The following PLEKHF1 variants were observed in gnomAD, a reference collection of about 807,000 sequenced individuals.
The protein encoded by PLEKHF1 is pleckstrin homology and FYVE domain containing 1, also known as pleckstrin homology domain-containing family F member 1.
Under a neutral mutation model 4.1 loss-of-function variants are expected in PLEKHF1, and 1 was observed. The observed-to-expected ratio is 0.24, with a 90% CI of 0.09 to 1.15. PLEKHF1 has a LOEUF of 1.15. Among genes scored for constraint, PLEKHF1 ranks in the 50% most tolerant of loss-of-function variants. The pLI, the probability that PLEKHF1 is intolerant of heterozygous loss-of-function variation, is 0.52. For missense variants in PLEKHF1, 429 were observed against 400.6 expected (o/e 1.07, Z -0.60); for synonymous variants, 182 against 178.5 (o/e 1.02, Z -0.16).
Position 29,674,999 on chromosome 19 carries a change from T to A in PLEKHF1, c.*320T>A, listed in dbSNP as rs546149250. On this transcript the variant is annotated 3_prime_UTR_variant, in exon 2 of 2. Coordinates refer to ENST00000436066, the MANE Select transcript of PLEKHF1 (RefSeq NM_024310.5). ...CTGGACGACCCCAGGTCTCCAGACA[T>A]CTAGGGACCAGAGCAGGTTTGGGAA... The A allele has an allele frequency of 4.5e-5, 15 of 335,014 alleles. No homozygotes were observed. The East Asian group carries it at 7.9e-4, about 18-fold the overall frequency. The allele number at this position is 335,014 out of a possible 1,614,324, so 20.8% of individuals were successfully genotyped here.
In PLEKHF1 at chr19:29,674,818, A is replaced by C. The variant is rs893469058; in HGVS notation, c.*139A>C. ...AGCGGTGGGGAGTGGCTCTTTCTGG[A>C]CTCCCAGTGCCTTTTTGCTGGACAC... On this transcript the variant is annotated 3_prime_UTR_variant, in exon 2 of 2. Coordinates refer to ENST00000436066, the MANE Select transcript of PLEKHF1 (RefSeq NM_024310.5). 74 of 1,284,950 alleles carry C rather than the reference A, an allele frequency of 5.8e-5. No individual in the cohort carries two copies. The highest frequency in any genetic ancestry group is 6.9e-5 in the Non-Finnish European group (66 of 954,202). 79.6% of individuals were successfully genotyped at this position (1,284,950 alleles called of 1,614,324 possible).
At chr19:29,667,598 C>A (rs891198) in intron 1 of PLEKHF1, among the ~76,000 whole-genome samples, 1 of 151,716 alleles carries the variant, frequency 6.6e-6, no homozygotes, top group Non-Finnish European at 1.5e-5. Flanking sequence ...GGTTCTCCAC[C>A]TGTAACCCGA....
In PLEKHF1 at chr19:29,671,218, G is replaced by A. The variant is rs757327415; in HGVS notation, c.-16-2606G>A. On this transcript the variant is annotated intron_variant, in intron 1 of 1. Coordinates refer to ENST00000436066, the MANE Select transcript of PLEKHF1 (RefSeq NM_024310.5). The surrounding 1 kb of genome is among the most constrained non-coding windows in gnomAD (Gnocchi z 4.0). ...GGGTTCAAGCGATTCTCCTGCCTCC[G>A]CCTCCCGAGTAGCTGGAATTACAGG... Among the ~76,000 whole-genome samples, 31 of 151,416 alleles carry A rather than the reference G, an allele frequency of 2.0e-4. No individual in the cohort carries two copies. Among genetic ancestry groups the A allele is most frequent in the Non-Finnish European group, 3.2e-4 (22 of 67,960 alleles).
rs990610245 is a variant in PLEKHF1, at chr19:29,674,264, G to T, written c.425G>T (p.Ser142Ile). 1.2e-6 allele frequency: 2 copies of T among 1,604,262 alleles called. No homozygotes were observed. The highest frequency in any genetic ancestry group is 1.7e-6 in the Non-Finnish European group (2 of 1,178,438). The change falls in exon 2 of 2, where the codon AGC (serine) becomes ATC (isoleucine). Residue 142 changes from serine (S) to isoleucine (I), a missense_variant. By Grantham distance (142) the Ser-to-Ile change is moderately radical. Coordinates refer to ENST00000436066, the MANE Select transcript of PLEKHF1 (RefSeq NM_024310.5). ...CTGAGGGCCACGGGCCGCCCGCCCA[G>T]CACGGAGCACGCGGCACCCTGGATC... ...RQLRATGRPP[S>I]TEHAAPWIPD... is the part of the protein sequence containing the mutation.
At chr19:29,668,276 C>T (rs1971591988) in intron 1 of PLEKHF1, among the ~76,000 whole-genome samples, 1 of 152,230 alleles carries the variant, frequency 6.6e-6, no homozygotes, top group East Asian at 1.9e-4. Flanking sequence ...AATACAGGCA[C>T]TCAGGGCCCA....
chr19:29,670,441 T>C (rs1017643272), intron 1 of PLEKHF1, among the ~76,000 whole-genome samples: 1 of 152,246 alleles, frequency 6.6e-6, no homozygotes, highest in Non-Finnish European at 1.5e-5. Context: ...ATTCGTGTTG[T>C]AGTGTGCGTC....
In PLEKHF1 at chr19:29,674,765, C is replaced by T. The variant is rs1476451234; in HGVS notation, c.*86C>T. On this transcript the variant is annotated 3_prime_UTR_variant, in exon 2 of 2. Coordinates refer to ENST00000436066, the MANE Select transcript of PLEKHF1 (RefSeq NM_024310.5). ...CAGCTCCAGAAGCTGCCCAGGGCTC[C>T]GGGACCCCATCCCATGGTGGCAGGT... 26 of 1,478,098 alleles carry T rather than the reference C, an allele frequency of 1.8e-5. No homozygotes were observed. In the East Asian group the frequency reaches 1.9e-4, roughly 11 times the overall value. The allele number at this position is 1,478,098 out of a possible 1,614,324, so 91.6% of individuals were successfully genotyped here.
At chr19:29,670,103 T>C (rs1971613794) in intron 1 of PLEKHF1, among the ~76,000 whole-genome samples, 1 of 152,190 alleles carries the variant, frequency 6.6e-6, no homozygotes, top group Admixed American at 6.5e-5. Context: ...GGCTAATTTT[T>C]GTATTTTTAG....
rs1442624171 is a variant in PLEKHF1 at position 29,671,609 on chromosome 19, A to G, written c.-16-2215A>G. ...TCAGTTCTGTCACTGGTAATCCCCTAGGTTTGCAGTATACAGCCAAGATCA... is the reference window on the plus strand; with the variant it reads ...TCAGTTCTGTCACTGGTAATCCCCTGGGTTTGCAGTATACAGCCAAGATCA... On this transcript the variant is annotated intron_variant, in intron 1 of 1. Transcript: ENST00000436066. The surrounding 1 kb of genome is among the most constrained non-coding windows in gnomAD (Gnocchi z 4.0). Among the ~76,000 whole-genome samples, 1 of 152,126 alleles carries G rather than the reference A, an allele frequency of 6.6e-6. No homozygotes were observed.
At chr19:29,669,664 C>T (rs1209079508) in intron 1 of PLEKHF1, among the ~76,000 whole-genome samples, 1 of 152,340 alleles carries the variant, frequency 6.6e-6, no homozygotes, top group Admixed American at 6.5e-5. Flanking sequence ...AGAAGCAACA[C>T]GTGTTCCCAT....
intron 1 of PLEKHF1, among the ~76,000 whole-genome samples, chr19:29,672,652 G>C (rs1463324189): frequency 1.3e-5 from 2 of 152,162 alleles, no homozygotes; most frequent in Admixed American, 6.5e-5. Context: ...GGAGATTCAA[G>C]GATGTGTCCT....
At chr19:29,665,887 C>G in intron 1 of PLEKHF1, 2 of 849,232 alleles carry the variant, frequency 2.4e-6, no homozygotes, top group Non-Finnish European at 2.9e-6. Flanking sequence ...GTGTGGCCGC[C>G]GGGACCTCTC....
intron 1 of PLEKHF1, among the ~76,000 whole-genome samples, 176 bp from the exon 2 acceptor site, chr19:29,673,648 C>T (rs1266153946): frequency 6.6e-6 from 1 of 152,200 alleles, no homozygotes; most frequent in African/African-American, 2.4e-5. Flanking sequence ...CCTGTACTCC[C>T]GTCTAAGGGT....
chr19:29,673,944 G>C lies in PLEKHF1; in HGVS notation c.105G>C (p.Val35=), dbSNP rs764039660. 6.2e-7 allele frequency: 1 copy of C among 1,613,722 alleles called. No individual in the cohort carries two copies. The highest frequency in any genetic ancestry group is 1.7e-5 in the Admixed American group (1 of 60,030). Residue 35 remains valine (V), a synonymous_variant, in exon 2 of 2, where the codon GTG becomes GTC. Coordinates refer to ENST00000436066, the MANE Select transcript of PLEKHF1 (RefSeq NM_024310.5). ...AGCCGCTGGCGCTGCCAGGCCGAGT[G>C]CTGCTGGGCGAGGGCGTGCTGACCA... ...SGQPLALPGR[V]LLGEGVLTKE... is the part of the protein sequence containing the mutation.
In PLEKHF1 at chr19:29,671,203, G is replaced by A. The variant is rs998565501; in HGVS notation, c.-16-2621G>A. 6.7e-6 allele frequency among the ~76,000 whole-genome samples: 1 copy of A among 148,606 alleles called. No individual in the cohort carries two copies. The highest frequency in any genetic ancestry group is 1.5e-5 in the Non-Finnish European group (1 of 66,850). On this transcript the variant is annotated intron_variant, in intron 1 of 1. Coordinates refer to ENST00000436066, the MANE Select transcript of PLEKHF1 (RefSeq NM_024310.5). The surrounding 1 kb of genome is among the most constrained non-coding windows in gnomAD (Gnocchi z 4.0). ...CAACCTCTGCTTCCTGGGTTCAAGC[G>A]ATTCTCCTGCCTCCGCCTCCCGAGT...
At position 29,671,731 on chromosome 19, in the gene PLEKHF1, C is replaced by G. The variant is rs868636473; in HGVS notation, c.-16-2093C>G. Among the ~76,000 whole-genome samples the G allele has an allele frequency of 2.0e-5, 3 of 152,152 alleles. No homozygotes were observed. The highest frequency in any genetic ancestry group is 2.9e-5 in the Non-Finnish European group (2 of 68,024). ...GGGCAAGTGGAACGGGACTCGAGGG[C>G]CCAGCATCTTCTGTTCTGCAATGCA... On this transcript the variant is annotated intron_variant, in intron 1 of 1. Transcript: ENST00000436066. This position sits in a 1 kb window ranked among gnomAD's most constrained non-coding sequence, Gnocchi z 4.0.
At chr19:29,670,934 A>C (rs1971624951) in intron 1 of PLEKHF1, among the ~76,000 whole-genome samples, 1 of 152,256 alleles carries the variant, frequency 6.6e-6, no homozygotes, top group Admixed American at 6.5e-5. Context: ...TCGGCCTCCC[A>C]AAGTGCTGGG....
chr19:29,666,040 G>C (rs915816707), intron 1 of PLEKHF1, among the ~76,000 whole-genome samples: 1 of 152,122 alleles, frequency 6.6e-6, no homozygotes, highest in Non-Finnish European at 1.5e-5. Context: ...AGGGAAACAG[G>C]GTCGGGCACT....
intron 1 of PLEKHF1, among the ~76,000 whole-genome samples, chr19:29,673,403 AAG>A (rs1971652655): frequency 7.2e-6 from 1 of 139,356 alleles, no homozygotes; most frequent in Admixed American, 7.0e-5. Context: ...TTTTTTTTTT[AAG>A]AGATAGAATC....
Sources: gnomAD v4.1 joint callset for allele counts (sites outside exome capture counted in the v4.1 genomes callset) on GRCh38, gnomAD v4.1.1 for gene constraint, Gnocchi (gnomAD v3.1) non-coding constraint, MANE v1.5 for transcripts, NCBI Gene and HGNC (gene_info 2026-07-23, HGNC 2026-07-21) for gene names.